TMED5: variants seen among roughly 807,000 people sequenced by gnomAD.
TMED5 encodes the protein transmembrane emp24 domain-containing protein 5.
In TMED5, 27 loss-of-function variants were observed where a neutral mutation model predicts 23.0. That is an observed-to-expected ratio of 1.17 (90% CI 0.86 to 1.62). TMED5 has a LOEUF of 1.62. TMED5 is among the 40% of genes most tolerant of loss of function. The probability of loss-of-function intolerance (pLI) is 0.00; values close to 1 mark genes in which losing one functional copy is unlikely to be tolerated. For synonymous variants in TMED5, 97 were observed against 100.8 expected, an observed-to-expected ratio of 0.96 and a Z score of 0.23; for missense variants, 248 against 273.7, an observed-to-expected ratio of 0.91 and a Z score of 0.66.
intron 2 of TMED5, 52 bp from the exon 3 acceptor site, chr1:93,156,535 G>T: frequency 2.8e-6 from 4 of 1,436,188 alleles, no homozygotes; most frequent in Non-Finnish European, 3.9e-6. Context: ...TATTTGTGAT[G>T]AAAAGCAACT....
rs145107209 is a variant in TMED5 at position 93,160,199 on chromosome 1, C to A, written c.217G>T (p.Asp73Tyr). The change falls in exon 2 of 4, where the codon GAT (aspartate) becomes TAT (tyrosine). Residue 73 changes from aspartate (D) to tyrosine (Y), a missense_variant. Physicochemically the swap from Asp to Tyr is radical, Grantham distance 160. Coordinates refer to ENST00000370282, the MANE Select transcript of TMED5 (RefSeq NM_016040.5). ...CCTTCTGGAGAGGCAAGATGGAAAT[C>A]AATATCTAATCCTGCTCCATCTAAA... is the stretch of plus-strand genomic sequence containing the variant. ...QVLDGAGLDI[D>Y]FHLASPEGKT... is the part of the protein sequence containing the mutation. The A allele has an allele frequency of 3.7e-6, 6 of 1,612,136 alleles. No homozygotes were observed. In the Admixed American group the frequency reaches 5.0e-5, roughly 13 times the overall value.
intron 1 of TMED5, among the ~76,000 whole-genome samples, chr1:93,169,920 A>ACACACACAC (rs1553159711): frequency 1.8e-4 from 7 of 39,234 alleles, no homozygotes; most frequent in Non-Finnish European, 3.7e-4. Context: ...CACACACACA[A>ACACACACAC]AATTAGGCAG....
Position 93,154,707 on chromosome 1 carries a change from T to A in TMED5, c.653A>T (p.Lys218Met). The A allele has an allele frequency of 6.2e-7, 1 of 1,613,966 alleles. No homozygotes were observed. The change falls in exon 4 of 4, where the codon AAG becomes ATG. Residue 218 changes from lysine to methionine, a missense_variant. Transcript: ENST00000370282. ...TTTCCTCTTATCTTCAAACAGACTC[T>A]TCAGCATATAAACTTGAATGGCTGA... is the stretch of plus-strand genomic sequence containing the variant. ...VVSAIQVYML[K>M]SLFEDKRKSR...
At chr1:93,174,529 A>G (rs1648841216) in intron 1 of TMED5, among the ~76,000 whole-genome samples, 1 of 152,160 alleles carries the variant, frequency 6.6e-6, no homozygotes, top group Non-Finnish European at 1.5e-5. Context: ...TGAAGGTTAC[A>G]TAGGTAAACG....
Position 93,180,209 on chromosome 1 carries a change from G to A in TMED5, c.34C>T (p.Leu12Phe). 6.2e-7 allele frequency: 1 copy of A among 1,612,868 alleles called. No individual in the cohort carries two copies. Among genetic ancestry groups the A allele is most frequent in the Non-Finnish European group, 8.5e-7 (1 of 1,179,668 alleles). The change falls in exon 1 of 4, where the codon CTC becomes TTC. Residue 12 changes from leucine to phenylalanine, a missense_variant. Leu to Phe is a conservative substitution (Grantham distance 22). Coordinates refer to ENST00000370282, the MANE Select transcript of TMED5 (RefSeq NM_016040.5). Reference protein sequence around the residue: ...GDKIWLPFPVLLLAALPPVLL... With the variant: ...GDKIWLPFPVFLLAALPPVLL... Reference sequence around the variant, plus strand: ...ACCGGAGGCAGAGCGGCCAGAAGGAGCACGGGGAAGGGCAGCCAGATCTTG... The same window carrying A: ...ACCGGAGGCAGAGCGGCCAGAAGGAACACGGGGAAGGGCAGCCAGATCTTG...
At chr1:93,170,460 C>T (rs919847596) in intron 1 of TMED5, among the ~76,000 whole-genome samples, 8 of 152,308 alleles carry the variant, frequency 5.3e-5, no homozygotes, top group East Asian at 3.9e-4. Flanking sequence ...TGCCTCCCCG[C>T]GGGGCAGGGC....
chr1:93,173,109 T>G (rs957093608), intron 1 of TMED5, among the ~76,000 whole-genome samples: 2 of 150,592 alleles, frequency 1.3e-5, no homozygotes, highest in Non-Finnish European at 3.0e-5. Context: ...AAGTTTCTGA[T>G]AGACAGAAGG....
rs1363485544 is a variant in TMED5 at position 93,150,804 on chromosome 1, G to C, written c.*3866C>G. On this transcript the variant is annotated 3_prime_UTR_variant, in exon 4 of 4. Transcript: ENST00000370282. ...CACTTAACACTTCCAGGATTAGGGA[G>C]TAGTATCTTTCTTTCTGAGGGAGTT... 2 of 152,194 alleles carry C rather than the reference G, an allele frequency of 1.3e-5. No homozygotes were observed. Among genetic ancestry groups the C allele is most frequent in the East Asian group, 3.8e-4 (2 of 5,208 alleles). 9.4% of individuals were successfully genotyped at this position (152,194 alleles called of 1,614,324 possible). A position where few individuals can be genotyped will look rare whatever the true frequency, so the allele number is the denominator to read the frequency against.
chr1:93,169,723 T>G (rs1225346800), intron 1 of TMED5, among the ~76,000 whole-genome samples: 1 of 152,040 alleles, frequency 6.6e-6, no homozygotes, highest in African/African-American at 2.4e-5. Flanking sequence ...AAATAAAAGC[T>G]GGGTCATCAT....
In TMED5 at chr1:93,154,951, AATG is replaced by A; in HGVS notation, c.472-66_472-64del. Reference sequence around the variant, plus strand: ...CTCAGAAATTTTAACTTAATTAAAAAATGAGGCTGGGTGCAGTGACTCATGCCT... The same window carrying A: ...CTCAGAAATTTTAACTTAATTAAAAAAGGCTGGGTGCAGTGACTCATGCCT... On this transcript the variant is annotated intron_variant, in intron 3 of 3. Transcript: ENST00000370282. The A allele has an allele frequency of 2.4e-6, 3 of 1,257,790 alleles. No individual in the cohort carries two copies. In the South Asian group the frequency reaches 4.3e-5, roughly 18 times the overall value. 77.9% of individuals were successfully genotyped at this position (1,257,790 alleles called of 1,614,324 possible). A position where few individuals can be genotyped will look rare whatever the true frequency, so the allele number is the denominator to read the frequency against.
chr1:93,171,157 C>T (rs1189621627), intron 1 of TMED5, among the ~76,000 whole-genome samples: 1 of 152,140 alleles, frequency 6.6e-6, no homozygotes, highest in East Asian at 1.9e-4. Flanking sequence ...CCAGCGAGAC[C>T]ACAAACCCAC....
chr1:93,171,295 C>T (rs1457766965), intron 1 of TMED5, among the ~76,000 whole-genome samples: 1 of 152,134 alleles, frequency 6.6e-6, no homozygotes, highest in Non-Finnish European at 1.5e-5. Context: ...CGAACACATC[C>T]GAACATCAGA....
chr1:93,159,881 A>G (rs1054396614), intron 2 of TMED5, among the ~76,000 whole-genome samples: 2 of 152,226 alleles, frequency 1.3e-5, no homozygotes, highest in African/African-American at 4.8e-5. Flanking sequence ...ATACCAGGGG[A>G]ATACTAATTT....
intron 1 of TMED5, among the ~76,000 whole-genome samples, chr1:93,179,286 C>G (rs7553916): frequency 0.49 from 72,219 of 147,952 alleles, 20,703 homozygotes; most frequent in South Asian, 0.67. Flanking sequence ...CGCTTGAACC[C>G]GGGAGGCGGA....
chr1:93,179,778 A>T, intron 1 of TMED5: 1 of 422,242 alleles, frequency 2.4e-6, no homozygotes, highest in Non-Finnish European at 4.2e-6. Flanking sequence ...CAAAGAGAAA[A>T]GCCAGCGACA....
rs1647840711 is a variant in TMED5, at chr1:93,150,629, T to A, written c.*4041A>T. 6.6e-6 allele frequency: 1 copy of A among 152,232 alleles called. No homozygotes were observed. Among genetic ancestry groups the A allele is most frequent in the Non-Finnish European group, 1.5e-5 (1 of 68,042 alleles). The allele number at this position is 152,232 out of a possible 1,614,324, so 9.4% of individuals were successfully genotyped here. A position where few individuals can be genotyped will look rare whatever the true frequency, so the allele number is the denominator to read the frequency against. On this transcript the variant is annotated 3_prime_UTR_variant, in exon 4 of 4. Transcript: ENST00000370282. Reference sequence around the variant, plus strand: ...CATCCTAGCAAAACAACTCTAAAATTTATCATTTGGAACTGTCTTTTCTTT... The same window carrying A: ...CATCCTAGCAAAACAACTCTAAAATATATCATTTGGAACTGTCTTTTCTTT...
At chr1:93,174,326 CT>C (rs1490916712) in intron 1 of TMED5, among the ~76,000 whole-genome samples, 5 of 151,976 alleles carry the variant, frequency 3.3e-5, no homozygotes, top group Non-Finnish European at 7.4e-5. Flanking sequence ...TTGTATATTA[CT>C]TTTATAATTG....
In TMED5 at chr1:93,152,422, T is replaced by TAAAG. The variant is rs1446872443; in HGVS notation, c.*2244_*2247dup. On this transcript the variant is annotated 3_prime_UTR_variant, in exon 4 of 4. Coordinates refer to ENST00000370282, the MANE Select transcript of TMED5 (RefSeq NM_016040.5). The stretch of plus-strand genomic sequence containing the variant: ...ATAAACAGTATGTCTTTAGAAATAT[T>TAAAG]AAAGATTTTTACTCTGTTTACAAGT... The TAAAG allele has an allele frequency of 6.6e-6, 1 of 152,234 alleles. No homozygotes were observed. The highest frequency in any genetic ancestry group is 2.4e-5 in the African/African-American group (1 of 41,442). 9.4% of individuals were successfully genotyped at this position (152,234 alleles called of 1,614,324 possible). A position where few individuals can be genotyped will look rare whatever the true frequency, so the allele number is the denominator to read the frequency against.
intron 1 of TMED5, among the ~76,000 whole-genome samples, chr1:93,172,721 A>G (rs1188552526): frequency 1.3e-5 from 2 of 152,224 alleles, no homozygotes; most frequent in African/African-American, 4.8e-5. Context: ...CACAAATACA[A>G]CTACCATATC....
Sources: gnomAD v4.1 joint callset for allele counts (sites outside exome capture counted in the v4.1 genomes callset) on GRCh38, gnomAD v4.1.1 for gene constraint, MANE v1.5 for transcripts, NCBI Gene and HGNC (gene_info 2026-07-23, HGNC 2026-07-21) for gene names.